Variants in DLG1 observed in about 807,000 individuals in gnomAD.
The protein encoded by DLG1 is discs large MAGUK scaffold protein 1.
DLG1 carries 42 observed loss-of-function variants against 123.4 expected under a neutral mutation model. The observed-to-expected ratio is 0.34, with a 90% CI of 0.27 to 0.44. The LOEUF is 0.44. DLG1 is among the 20% of genes least tolerant of loss of function. The probability of loss-of-function intolerance (pLI) is 1.00; values close to 1 mark genes in which losing one functional copy is unlikely to be tolerated. For missense variants in DLG1, 942 were observed against 1,082.6 expected, an observed-to-expected ratio of 0.87 and a Z score of 1.82; for synonymous variants, 317 against 356.2, an observed-to-expected ratio of 0.89 and a Z score of 1.24.
At chr3:197,045,495 C>T (rs1722309512) in intron 24 of DLG1, among the ~76,000 whole-genome samples, 1 of 151,372 alleles carries the variant, frequency 6.6e-6, no homozygotes, top group African/African-American at 2.4e-5. Flanking sequence ...AATCCTAGCA[C>T]TTTGGGAGGC....
intron 14 of DLG1, among the ~76,000 whole-genome samples, chr3:197,102,761 C>A (rs1205295758): frequency 1.3e-5 from 2 of 152,064 alleles, no homozygotes; most frequent in Non-Finnish European, 2.9e-5. Context: ...TGTAATCCCA[C>A]CTACTTGGGA....
intron 18 of DLG1, among the ~76,000 whole-genome samples, chr3:197,072,503 T>TAAAC (rs1051257147): frequency 2.1e-4 from 32 of 151,916 alleles, no homozygotes; most frequent in African/African-American, 7.5e-4. Flanking sequence ...CTAGGGAAAT[T>TAAAC]AAACATTTTT....
At chr3:197,094,021 A>G (rs1261495238) in intron 14 of DLG1, among the ~76,000 whole-genome samples, 1 of 152,208 alleles carries the variant, frequency 6.6e-6, no homozygotes, top group Non-Finnish European at 1.5e-5. Flanking sequence ...GTTCAGTGGA[A>G]GCCAGATACC....
chr3:197,104,321 GTTAAA>G (rs1161015654), intron 14 of DLG1, among the ~76,000 whole-genome samples: 1 of 152,090 alleles, frequency 6.6e-6, no homozygotes, highest in Non-Finnish European at 1.5e-5. Context: ...AAAGTAAACA[GTTAAA>G]TTAACCCACA....
chr3:197,191,140 A>T (rs1222081004), intron 5 of DLG1, among the ~76,000 whole-genome samples: 1 of 152,216 alleles, frequency 6.6e-6, no homozygotes, highest in Non-Finnish European at 1.5e-5. Flanking sequence ...TTAATCAGCA[A>T]AATGGGATTT....
chr3:197,081,093 T>G lies in DLG1; in HGVS notation c.1863A>C (p.Arg621=). The G allele has an allele frequency of 1.9e-6, 3 of 1,613,450 alleles. No homozygotes were observed. The highest frequency in any genetic ancestry group is 2.5e-6 in the Non-Finnish European group (3 of 1,179,622). The change falls in exon 17 of 25, where the codon CGA becomes CGC. Residue 621 remains arginine, a synonymous_variant. Coordinates refer to ENST00000667157, the MANE Select transcript of DLG1 (RefSeq NM_001366207.1). ...KRRVEKKERA[R]LKTVKFNSKT... is the part of the protein sequence containing the mutation. ...TAGAATTGAATTTCACTGTTTTTAA[T>G]CGGGCTCGTTCTTTCTTCTCAACTC...
Position 197,069,279 on chromosome 3 carries a change from G to A in DLG1, c.2006-19C>T. The stretch of plus-strand genomic sequence containing the variant: ...ACATGCTCTGAAATTGCAGGACAAT[G>A]AAAAAAAATAAAACAGTGTCATGAG... On this transcript the variant is annotated intron_variant, in intron 18 of 24. Coordinates refer to ENST00000667157, the MANE Select transcript of DLG1 (RefSeq NM_001366207.1). The A allele has an allele frequency of 6.4e-7, 1 of 1,558,632 alleles. No homozygotes were observed.
intron 4 of DLG1, among the ~76,000 whole-genome samples, chr3:197,238,275 A>C (rs1270591967): frequency 6.6e-6 from 1 of 152,224 alleles, no homozygotes. Context: ...GGAATATCTC[A>C]AACTGAATAT....
rs574691293 is a variant in DLG1 at position 197,152,082 on chromosome 3, T to C, written c.484-2286A>G. Among the ~76,000 whole-genome samples the C allele has an allele frequency of 2.2e-3, 334 of 152,316 alleles. 2 individuals carry two copies. Among genetic ancestry groups the C allele is most frequent in the Non-Finnish European group, 3.7e-3 (250 of 68,030 alleles). On this transcript the variant is annotated intron_variant, in intron 5 of 24. Coordinates refer to ENST00000667157, the MANE Select transcript of DLG1 (RefSeq NM_001366207.1). Reference sequence around the variant, plus strand: ...AAGCATTTCTATAGCTTCCTATGATTTGCAACATATTTTCTTTTATATTAC... The same window carrying C: ...AAGCATTTCTATAGCTTCCTATGATCTGCAACATATTTTCTTTTATATTAC...
rs572373671 is a variant in DLG1 at position 197,187,270 on chromosome 3, T to C, written c.483+7155A>G. Among the ~76,000 whole-genome samples the C allele has an allele frequency of 5.9e-5, 9 of 151,602 alleles. No individual in the cohort carries two copies. In the South Asian group the frequency reaches 1.5e-3, roughly 24 times the overall value. ...ATGTTCCAGAGATGTAAAGATAAAGTTGATTTCAAAAACTGCTCATTATAT... is the reference window on the plus strand; with the variant it reads ...ATGTTCCAGAGATGTAAAGATAAAGCTGATTTCAAAAACTGCTCATTATAT... On this transcript the variant is annotated intron_variant, in intron 5 of 24. Coordinates refer to ENST00000667157, the MANE Select transcript of DLG1 (RefSeq NM_001366207.1).
chr3:197,279,269 A>G (rs1768022850), intron 4 of DLG1, among the ~76,000 whole-genome samples: 1 of 152,230 alleles, frequency 6.6e-6, no homozygotes, highest in African/African-American at 2.4e-5. Context: ...AAAAATCATT[A>G]TAAATATCAT....
At position 197,059,923 on chromosome 3, in the gene DLG1, T is replaced by C. The variant is rs769701427; in HGVS notation, c.2449A>G (p.Ile817Val). The C allele has an allele frequency of 4.3e-6, 7 of 1,613,722 alleles. No individual in the cohort carries two copies. The South Asian group carries it at 5.5e-5, about 13-fold the overall frequency. The change falls in exon 23 of 25, where the codon ATT becomes GTT. Residue 817 changes from isoleucine to valine, a missense_variant. Ile to Val is a conservative substitution (Grantham distance 29, BLOSUM62 3). Coordinates refer to ENST00000667157, the MANE Select transcript of DLG1 (RefSeq NM_001366207.1). ...TCCATGGATTTGGGTTTAATAAAAA[T>C]GGAGATAGGGTAAAGCTGTGCAATC... ...LQIAQLYPIS[I>V]FIKPKSMENI...
chr3:197,204,417 C>A (rs539781626), intron 4 of DLG1, among the ~76,000 whole-genome samples: 11 of 152,176 alleles, frequency 7.2e-5, no homozygotes, highest in Non-Finnish European at 1.6e-4. Flanking sequence ...GTTAACTATG[C>A]TCTTTGTAAA....
At chr3:197,227,722 A>G (rs566278078) in intron 4 of DLG1, among the ~76,000 whole-genome samples, 5 of 152,258 alleles carry the variant, frequency 3.3e-5, no homozygotes, top group Non-Finnish European at 7.4e-5. Context: ...AATTTCCTAC[A>G]CAATTCTCTA....
At chr3:197,055,640 T>C (rs1225736319) in intron 23 of DLG1, among the ~76,000 whole-genome samples, 4 of 152,206 alleles carry the variant, frequency 2.6e-5, no homozygotes, top group African/African-American at 7.2e-5. Context: ...CCTCCCCTCA[T>C]ATACTTTTGA....
At chr3:197,094,479 T>C (rs1300862509) in intron 14 of DLG1, among the ~76,000 whole-genome samples, 1 of 152,232 alleles carries the variant, frequency 6.6e-6, no homozygotes, top group Non-Finnish European at 1.5e-5. Context: ...TTGGAAATAC[T>C]ATCCTTTTAT....
intron 12 of DLG1, among the ~76,000 whole-genome samples, chr3:197,117,030 AG>A (rs1320890977): frequency 7.9e-5 from 12 of 152,326 alleles, no homozygotes; most frequent in Middle Eastern, 3.4e-3. Flanking sequence ...GAAATTCAAC[AG>A]TATTTCCAGG....
At chr3:197,077,552 C>T (rs919468237) in intron 17 of DLG1, among the ~76,000 whole-genome samples, 1 of 152,168 alleles carries the variant, frequency 6.6e-6, no homozygotes, top group African/African-American at 2.4e-5. Flanking sequence ...ATTGGCACCA[C>T]GTCCTTCATA....
intron 5 of DLG1, among the ~76,000 whole-genome samples, chr3:197,181,617 T>A (rs139356664): frequency 6.6e-6 from 1 of 152,246 alleles, no homozygotes; most frequent in African/African-American, 2.4e-5. Flanking sequence ...TCAACTCCAG[T>A]AAGTTATAAA....
Sources: gnomAD v4.1 joint callset for allele counts (sites outside exome capture counted in the v4.1 genomes callset) on GRCh38, gnomAD v4.1.1 for gene constraint, MANE v1.5 for transcripts, NCBI Gene and HGNC (gene_info 2026-07-23, HGNC 2026-07-21) for gene names.